Variants in PCDHA3 observed in about 807,000 individuals in gnomAD.
PCDHA3 encodes the protein protocadherin alpha-3.
In PCDHA3, 41 loss-of-function variants were observed where a neutral mutation model predicts 62.2. That is an observed-to-expected ratio of 0.66 (90% CI 0.51 to 0.86). PCDHA3 has a LOEUF of 0.86. PCDHA3 is among the 40% of genes least tolerant of loss of function. PCDHA3 has a pLI of 0.00. For synonymous variants in PCDHA3, 640 were observed against 555.4 expected, an observed-to-expected ratio of 1.15 and a Z score of -2.14; for missense variants, 1,304 against 1,241.2, an observed-to-expected ratio of 1.05 and a Z score of -0.76.
At position 140,876,973 on chromosome 5, in the gene PCDHA3, G is replaced by A. The variant is rs2056750069; in HGVS notation, c.2394+73382G>A. ...CTCGCTGGTGGAGCGGCGGGTGGGC[G>A]AGCACGCACTGTCGAGCTACGTGTC... is the stretch of plus-strand genomic sequence containing the variant. On this transcript the variant is annotated intron_variant, in intron 1 of 3. Transcript: ENST00000522353. 3 of 1,612,624 alleles carry A rather than the reference G, an allele frequency of 1.9e-6. No individual in the cohort carries two copies. The South Asian group carries it at 3.3e-5, about 18-fold the overall frequency.
At chr5:140,857,218 T>C (rs2044426953) in intron 1 of PCDHA3, 1 of 1,598,352 alleles carries the variant, frequency 6.3e-7, no homozygotes, top group African/African-American at 1.3e-5. Context: ...CTCTGACGCC[T>C]CACGTTCCGT....
chr5:140,910,737 G>A (rs1405978966), intron 1 of PCDHA3, among the ~76,000 whole-genome samples: 2 of 152,008 alleles, frequency 1.3e-5, no homozygotes, highest in African/African-American at 4.8e-5. Context: ...AGCTAACCAA[G>A]CACATAAATT....
chr5:140,967,520 G>A, intron 1 of PCDHA3: 1 of 1,612,918 alleles, frequency 6.2e-7, no homozygotes, highest in East Asian at 2.2e-5. Context: ...GGACACTAAC[G>A]ACAACTCTCC....
intron 1 of PCDHA3, among the ~76,000 whole-genome samples, chr5:140,921,678 A>C (rs2080326339): frequency 6.6e-6 from 1 of 152,222 alleles, no homozygotes; most frequent in South Asian, 2.1e-4. Context: ...AGTTATCATC[A>C]AACACTGGCC....
chr5:140,836,283 A>C, intron 1 of PCDHA3: 1 of 1,613,716 alleles, frequency 6.2e-7, no homozygotes, highest in Non-Finnish European at 8.5e-7. Context: ...GATCAGCACG[A>C]CACGAGCCCT....
At chr5:140,842,748 C>A in intron 1 of PCDHA3, 1 of 1,595,020 alleles carries the variant, frequency 6.3e-7, no homozygotes, top group Non-Finnish European at 8.6e-7. Flanking sequence ...CACATCTTCA[C>A]GGTGTCTGCG....
intron 1 of PCDHA3, among the ~76,000 whole-genome samples, chr5:140,963,165 A>G (rs775997183): frequency 2.6e-5 from 4 of 152,110 alleles, no homozygotes; most frequent in Non-Finnish European, 5.9e-5. Flanking sequence ...GACACATGCC[A>G]TCTTACAGAT....
At chr5:140,902,331 C>A (rs1271812504) in intron 1 of PCDHA3, among the ~76,000 whole-genome samples, 1 of 151,712 alleles carries the variant, frequency 6.6e-6, no homozygotes, top group African/African-American at 2.4e-5. Flanking sequence ...ACTCACTTCG[C>A]CTGGCCTAGG....
intron 1 of PCDHA3, among the ~76,000 whole-genome samples, chr5:140,826,100 T>A (rs1768814944): frequency 6.6e-6 from 1 of 152,354 alleles, no homozygotes; most frequent in South Asian, 2.1e-4. Context: ...CCTTCTATCA[T>A]GCTATTTATA....
intron 1 of PCDHA3, among the ~76,000 whole-genome samples, chr5:140,951,227 G>A (rs181202222): frequency 1.3e-5 from 2 of 152,044 alleles, no homozygotes; most frequent in African/African-American, 2.4e-5. Flanking sequence ...ATTCTTGATG[G>A]TCTTTACCTT....
chr5:140,946,294 A>G (rs529202868), intron 1 of PCDHA3, among the ~76,000 whole-genome samples: 1 of 152,056 alleles, frequency 6.6e-6, no homozygotes, highest in Admixed American at 6.5e-5. Flanking sequence ...ATCACCTCAC[A>G]CCTGGTAGAA....
In PCDHA3 at chr5:141,010,994, G is replaced by A. The variant is rs1338532762; in HGVS notation, c.*1057G>A. ...TTTAAGAGAATTGCCTGAAACATCTGTATTATATCGGCCACCTGCCAATCA... is the reference window on the plus strand; with the variant it reads ...TTTAAGAGAATTGCCTGAAACATCTATATTATATCGGCCACCTGCCAATCA... On this transcript the variant is annotated 3_prime_UTR_variant, in exon 4 of 4. Transcript: ENST00000522353. The A allele has an allele frequency of 6.5e-6, 1 of 153,710 alleles. No homozygotes were observed. The highest frequency in any genetic ancestry group is 1.5e-5 in the Non-Finnish European group (1 of 68,046). The allele number at this position is 153,710 out of a possible 1,614,324, so 9.5% of individuals were successfully genotyped here.
intron 3 of PCDHA3, among the ~76,000 whole-genome samples, chr5:140,997,807 G>A (rs557351308): frequency 4.5e-4 from 68 of 152,118 alleles, no homozygotes; most frequent in African/African-American, 1.5e-3. Context: ...CCAATTTGCT[G>A]TTGGTATCTA....
intron 1 of PCDHA3, among the ~76,000 whole-genome samples, chr5:140,940,929 A>G (rs2092704989): frequency 1.3e-5 from 2 of 152,230 alleles, no homozygotes; most frequent in Non-Finnish European, 2.9e-5. Flanking sequence ...CTCCTTGGCT[A>G]CTTAGACTAC....
intron 3 of PCDHA3, among the ~76,000 whole-genome samples, chr5:141,001,133 A>G (rs2097993653): frequency 6.6e-6 from 1 of 152,034 alleles, no homozygotes; most frequent in Non-Finnish European, 1.5e-5. Flanking sequence ...AAACAAATGA[A>G]TCTTCTGTTG....
At chr5:140,876,662 T>C in intron 1 of PCDHA3, 1 of 1,614,232 alleles carries the variant, frequency 6.2e-7, no homozygotes, top group Non-Finnish European at 8.5e-7. Flanking sequence ...CCCTTCAAGC[T>C]GGTGTCCACC....
intron 3 of PCDHA3, among the ~76,000 whole-genome samples, chr5:140,986,690 A>G (rs2097209589): frequency 6.6e-6 from 1 of 152,172 alleles, no homozygotes; most frequent in African/African-American, 2.4e-5. Flanking sequence ...AAAGTTTCAA[A>G]ACACACAGCA....
At chr5:140,928,634 C>G in intron 1 of PCDHA3, 1 of 1,614,216 alleles carries the variant, frequency 6.2e-7, no homozygotes, top group Non-Finnish European at 8.5e-7. Flanking sequence ...CACTTGGTCA[C>G]AAAAGTGGTA....
intron 1 of PCDHA3, chr5:140,856,046 A>G (rs781911942): frequency 1.3e-6 from 2 of 1,582,372 alleles, no homozygotes; most frequent in East Asian, 2.2e-5. Flanking sequence ...AGAGAAGGAT[A>G]AGATGGTTTC....
Sources: allele counts gnomAD v4.1 joint callset (sites outside exome capture counted in the v4.1 genomes callset), GRCh38; gene constraint gnomAD v4.1.1; transcripts MANE v1.5; gene names NCBI Gene and HGNC (gene_info 2026-07-23, HGNC 2026-07-21).